The following HYDIN variants were observed in gnomAD, a reference collection of about 807,000 sequenced individuals.
The protein encoded by HYDIN is HYDIN axonemal central pair apparatus protein, also known as axonemal central pair apparatus protein HYDIN.
Under a neutral mutation model 403.9 loss-of-function variants are expected in HYDIN, and 132 were observed. That is an observed-to-expected ratio of 0.33 (90% CI 0.28 to 0.38). The LOEUF (loss-of-function observed/expected upper bound fraction) is 0.38. HYDIN is among the 10% of genes least tolerant of loss of function. HYDIN has a pLI of 1.00. For synonymous variants in HYDIN, 1,202 were observed against 1,891.7 expected (o/e 0.64, Z 9.46); for missense variants, 2,827 against 5,009.5 (o/e 0.56, Z 13.15).
chr16:70,830,764 T>C (rs1443329340), intron 80 of HYDIN, among the ~76,000 whole-genome samples: 3 of 152,174 alleles, frequency 2.0e-5, no homozygotes, highest in African/African-American at 7.2e-5. Flanking sequence ...AGAATGGAGA[T>C]GCCCTTTACT....
intron 84 of HYDIN, among the ~76,000 whole-genome samples, chr16:70,810,602 CG>C (rs1567638759): frequency 2.0e-5 from 3 of 152,082 alleles, no homozygotes; most frequent in Admixed American, 2.0e-4. Context: ...GAGGCTGAGG[CG>C]GGTGGATCAC....
intron 1 of HYDIN, among the ~76,000 whole-genome samples, chr16:71,188,796 G>A (rs1480179791): frequency 6.6e-6 from 1 of 152,128 alleles, no homozygotes; most frequent in African/African-American, 2.4e-5. Context: ...CTACATCCTA[G>A]TAATAGAAAA....
intron 8 of HYDIN, among the ~76,000 whole-genome samples, chr16:71,130,654 AT>A (rs1427589032): frequency 6.6e-6 from 1 of 150,676 alleles, no homozygotes; most frequent in Admixed American, 6.6e-5. Flanking sequence ...CGCCCGGCTA[AT>A]TTTTTGTATT....
At chr16:70,881,223 T>TAAA (rs2078573400) in intron 60 of HYDIN, among the ~76,000 whole-genome samples, 1 of 103,670 alleles carries the variant, frequency 9.6e-6, no homozygotes. Flanking sequence ...TGAGACTGTC[T>TAAA]CAAAAAAAAA....
At chr16:70,912,777 G>A (rs1295651267) in intron 47 of HYDIN, among the ~76,000 whole-genome samples, 2 of 141,370 alleles carry the variant, frequency 1.4e-5, no homozygotes, top group Non-Finnish European at 3.1e-5. Flanking sequence ...TTTTTTGGTG[G>A]TAATTTTTAA....
intron 30 of HYDIN, 152 bp downstream of exon 30, chr16:70,978,762 C>T (rs1424287849): frequency 2.5e-6 from 2 of 813,832 alleles, no homozygotes; most frequent in South Asian, 2.0e-5. Flanking sequence ...CCTCAGAGAC[C>T]ATGTCCTTGC....
At chr16:70,821,154 A>G (rs1311619383) in intron 83 of HYDIN, among the ~76,000 whole-genome samples, 3 of 152,074 alleles carry the variant, frequency 2.0e-5, no homozygotes, top group Non-Finnish European at 4.4e-5. Context: ...TTTTATTTCT[A>G]TATACATAAG....
chr16:70,807,363 G>A lies in HYDIN; in HGVS notation c.*217C>T. ...TTTAGGGACTCACAAGGATTCAGTT[G>A]TCTAAAATATAGAGCTGTTGTGTGT... On this transcript the variant is annotated 3_prime_UTR_variant, in exon 86 of 86. Coordinates refer to ENST00000393567, the MANE Select transcript of HYDIN (RefSeq NM_001270974.2). 1 of 520,560 alleles carries A rather than the reference G, an allele frequency of 1.9e-6. No homozygotes were observed. Among genetic ancestry groups the A allele is most frequent in the Non-Finnish European group, 3.3e-6 (1 of 304,726 alleles). The allele number at this position is 520,560 out of a possible 1,614,324, so 32.2% of individuals were successfully genotyped here.
intron 10 of HYDIN, among the ~76,000 whole-genome samples, chr16:71,108,424 T>C (rs1281631650): frequency 6.6e-6 from 1 of 151,872 alleles, no homozygotes; most frequent in Non-Finnish European, 1.5e-5. Context: ...AGGAGTATGA[T>C]TGGGAAGGAA....
intron 55 of HYDIN, among the ~76,000 whole-genome samples, chr16:70,892,980 T>C (rs539310176): frequency 1.3e-5 from 2 of 152,258 alleles, no homozygotes; most frequent in African/African-American, 4.8e-5. Flanking sequence ...CATGGCCTAC[T>C]GGAGGTGAGG....
intron 62 of HYDIN, among the ~76,000 whole-genome samples, chr16:70,875,489 T>G (rs893819785): frequency 1.3e-4 from 20 of 151,976 alleles, no homozygotes; most frequent in Non-Finnish European, 2.2e-4. Flanking sequence ...ATTTCGGATA[T>G]GAGACATCAG....
intron 75 of HYDIN, among the ~76,000 whole-genome samples, chr16:70,847,081 C>G (rs1203177187): frequency 6.6e-6 from 1 of 150,740 alleles, no homozygotes; most frequent in Non-Finnish European, 1.5e-5. Flanking sequence ...TTGATCCTGT[C>G]ATTATGACGT....
chr16:71,214,266 C>A (rs1242809586), intron 1 of HYDIN, among the ~76,000 whole-genome samples: 1 of 152,020 alleles, frequency 6.6e-6, no homozygotes, highest in Admixed American at 6.6e-5. Context: ...ATACCACACT[C>A]ATTGGTTAGA....
In HYDIN at chr16:71,134,388, A is replaced by C. The variant is rs111228499; in HGVS notation, c.1043+2763T>G. On this transcript the variant is annotated intron_variant, in intron 8 of 85. Coordinates refer to ENST00000393567, the MANE Select transcript of HYDIN (RefSeq NM_001270974.2). ...AGAGGTTGCTGAAGGAGGGGGAACAAAGGAAGAAGGTGCACCCCATTATGA... is the reference window on the plus strand; with the variant it reads ...AGAGGTTGCTGAAGGAGGGGGAACACAGGAAGAAGGTGCACCCCATTATGA... 8.4e-3 allele frequency among the ~76,000 whole-genome samples: 1,272 copies of C among 152,326 alleles called. 9 individuals are homozygous for C. The highest frequency in any genetic ancestry group is 0.029 in the African/African-American group (1,207 of 41,536).
intron 31 of HYDIN, 136 bp downstream of exon 31, chr16:70,975,000 A>G: frequency 3.6e-6 from 2 of 559,920 alleles, no homozygotes. Context: ...GATGGCGGAT[A>G]AGTGAGGAGA....
At chr16:70,922,018 T>G (rs529772754) in intron 45 of HYDIN, among the ~76,000 whole-genome samples, 1 of 152,224 alleles carries the variant, frequency 6.6e-6, no homozygotes, top group South Asian at 2.1e-4. Flanking sequence ...CAAAGTCCAT[T>G]CCAGTCTAGT....
At chr16:71,021,757 TC>T (rs2080504271) in intron 21 of HYDIN, among the ~76,000 whole-genome samples, 1 of 152,190 alleles carries the variant, frequency 6.6e-6, no homozygotes. Flanking sequence ...TTCCTAGGCC[TC>T]CTTGTTTTCA....
chr16:70,847,509 T>C (rs540086998), intron 75 of HYDIN, among the ~76,000 whole-genome samples: 2 of 152,304 alleles, frequency 1.3e-5, no homozygotes, highest in African/African-American at 4.8e-5. Context: ...GTTTTATTTA[T>C]CTGAGAGTGT....
chr16:71,017,034 T>G (rs1404247070), intron 23 of HYDIN, among the ~76,000 whole-genome samples: 7 of 151,960 alleles, frequency 4.6e-5, no homozygotes, highest in Non-Finnish European at 1.0e-4. Flanking sequence ...TCATGAGATC[T>G]GATGGTTTAA....
Sources: gnomAD v4.1 joint callset for allele counts (sites outside exome capture counted in the v4.1 genomes callset) on GRCh38, gnomAD v4.1.1 for gene constraint, MANE v1.5 for transcripts, NCBI Gene and HGNC (gene_info 2026-07-23, HGNC 2026-07-21) for gene names.